The following GARIN5B variants were observed in gnomAD, a reference collection of about 807,000 sequenced individuals.
GARIN5B encodes golgi associated RAB2 interactor family member 5B.
At chr19:55,359,424 C>G in the GARIN5B span, 9 of 1,550,076 alleles carry the variant, frequency 5.8e-6, no homozygotes, top group African/African-American at 9.6e-5. Flanking sequence ...GCAGCTGAGG[C>G]CTTCCGGGAT....
At chr19:55,362,940 T>C in the GARIN5B span, 4 of 1,505,376 alleles carry the variant, frequency 2.7e-6, no homozygotes, top group African/African-American at 1.4e-5. Context: ...CTCTCGAACA[T>C]GGGCAGCGGA....
chr19:55,360,878 T>C, the GARIN5B span: 2 of 1,545,822 alleles, frequency 1.3e-6, no homozygotes, highest in Non-Finnish European at 8.8e-7. Context: ...GGGTGTGAGT[T>C]CTGTCGGGGC....
At chr19:55,355,117 GC>G in the GARIN5B span, 1 of 415,934 alleles carries the variant, frequency 2.4e-6, no homozygotes, top group South Asian at 2.2e-5. Flanking sequence ...AGAGGAAAGA[GC>G]AGCGGTGGGG....
the GARIN5B span, chr19:55,360,028 C>A: frequency 6.7e-7 from 1 of 1,487,274 alleles, no homozygotes. Flanking sequence ...TGCATGGAGA[C>A]CCCAGACCCG....
At chr19:55,359,921 G>A in the GARIN5B span, 1 of 1,551,292 alleles carries the variant, frequency 6.4e-7, no homozygotes, top group South Asian at 1.2e-5. Context: ...GACACAGTGT[G>A]AAGGGCTCTC....
At chr19:55,361,093 C>T in the GARIN5B span, 8,369 of 1,551,150 alleles carry the variant, frequency 5.4e-3, 36 homozygotes, top group Non-Finnish European at 6.7e-3. Context: ...CTTGAAACTG[C>T]GCTTGAGCGC....
chr19:55,358,425 C>T, the GARIN5B span: 1 of 1,509,878 alleles, frequency 6.6e-7, no homozygotes, highest in South Asian at 1.3e-5. Context: ...GGGATAGGCG[C>T]CTGGGAGATT....
At chr19:55,360,940 C>A in the GARIN5B span, 45 of 1,543,378 alleles carry the variant, frequency 2.9e-5, no homozygotes, top group Non-Finnish European at 3.4e-5. Context: ...TTGGTGGCAT[C>A]TGGGCTGGGG....
At chr19:55,358,432 G>T in the GARIN5B span, 4 of 1,512,006 alleles carry the variant, frequency 2.6e-6, no homozygotes, top group Non-Finnish European at 3.6e-6. Context: ...GCGCCTGGGA[G>T]ATTCCTTCCC....
the GARIN5B span, chr19:55,363,132 C>T: frequency 1.1e-5 from 16 of 1,403,540 alleles, no homozygotes; most frequent in Middle Eastern, 2.0e-4. The surrounding 1 kb of genome is among the most constrained non-coding windows in gnomAD (Gnocchi z 4.0). Context: ...CTCCCAGCCC[C>T]GGCCCACCAG....
the GARIN5B span, among the ~76,000 whole-genome samples, chr19:55,356,264 G>A: frequency 6.6e-6 from 1 of 152,084 alleles, no homozygotes; most frequent in Non-Finnish European, 1.5e-5. Context: ...AGGCTGCAGT[G>A]CAGTGGCACG....
the GARIN5B span, chr19:55,361,124 AC>A: frequency 2.3e-4 from 363 of 1,551,244 alleles, 5 homozygotes; most frequent in South Asian, 3.6e-3. Flanking sequence ...TGAGGAAGGG[AC>A]GGTTAGACAG....
chr19:55,358,686 G>A, the GARIN5B span: 6 of 1,551,196 alleles, frequency 3.9e-6, no homozygotes, highest in Admixed American at 5.9e-5. Flanking sequence ...GCCGACGCCT[G>A]CGGAGTCGCC....
At chr19:55,359,732 G>T in the GARIN5B span, 1 of 1,551,414 alleles carries the variant, frequency 6.4e-7, no homozygotes, top group Non-Finnish European at 8.7e-7. Context: ...CCTGCCCCTG[G>T]GGATGGAAGA....
the GARIN5B span, chr19:55,358,890 C>T: frequency 6.5e-7 from 1 of 1,550,258 alleles, no homozygotes; most frequent in Non-Finnish European, 8.7e-7. Context: ...GATCTCACGC[C>T]AGGCAGGTCC....
At chr19:55,358,378 C>T in the GARIN5B span, 9 of 1,510,502 alleles carry the variant, frequency 6.0e-6, no homozygotes, top group East Asian at 2.5e-5. Flanking sequence ...CCGAGAGGGG[C>T]GATGGCCGTA....
the GARIN5B span, chr19:55,358,245 T>C: frequency 6.4e-7 from 1 of 1,550,878 alleles, no homozygotes; most frequent in Non-Finnish European, 8.7e-7. Flanking sequence ...GGCAAAAGAA[T>C]TTCTGAAGAC....
At chr19:55,363,060 A>G in the GARIN5B span, 1 of 1,497,364 alleles carries the variant, frequency 6.7e-7, no homozygotes, top group Non-Finnish European at 8.9e-7. The surrounding 1 kb of genome is among the most constrained non-coding windows in gnomAD (Gnocchi z 4.0). Flanking sequence ...TTTCGAAGCC[A>G]GATCATGGTG....
the GARIN5B span, chr19:55,358,525 G>A: frequency 3.1e-5 from 1 of 32,702 alleles, no homozygotes; most frequent in East Asian, 2.6e-3. Context: ...CCTTCATCTC[G>A]CCCCATGGCT....
Sources: gnomAD v4.1 joint callset for allele counts (sites outside exome capture counted in the v4.1 genomes callset) on GRCh38, gnomAD v4.1.1 for gene constraint, Gnocchi (gnomAD v3.1) non-coding constraint, MANE v1.5 for transcripts, NCBI Gene and HGNC (gene_info 2026-07-23, HGNC 2026-07-21) for gene names.